SFMBT1: variants seen among roughly 807,000 people sequenced by gnomAD.
The protein encoded by SFMBT1 is scm-like with four MBT domains protein 1.
Under a neutral mutation model 108.7 loss-of-function variants are expected in SFMBT1, and 32 were observed. That is an observed-to-expected ratio of 0.29 (90% confidence interval 0.22 to 0.40). The LOEUF is 0.40. SFMBT1 is among the 10% of genes least tolerant of loss of function. The probability of loss-of-function intolerance (pLI) is 1.00; values close to 1 mark genes in which losing one functional copy is unlikely to be tolerated. For synonymous variants in SFMBT1, 348 were observed against 369.5 expected, an observed-to-expected ratio of 0.94 and a Z score of 0.67; for missense variants, 816 against 1,059.6, an observed-to-expected ratio of 0.77 and a Z score of 3.19.
intron 5 of SFMBT1, among the ~76,000 whole-genome samples, chr3:52,932,698 G>A (rs916868714): frequency 5.3e-5 from 8 of 152,094 alleles, no homozygotes; most frequent in Non-Finnish European, 8.8e-5. Flanking sequence ...ATCACTTGAG[G>A]TCAGGAGTTC....
In SFMBT1 at chr3:52,969,259, C is replaced by A; in HGVS notation, c.-130-1G>T. The A allele has an allele frequency of 1.3e-6, 2 of 1,510,004 alleles. No homozygotes were observed. Among genetic ancestry groups the A allele is most frequent in the Non-Finnish European group, 1.8e-6 (2 of 1,135,024 alleles). 93.5% of individuals were successfully genotyped at this position (1,510,004 alleles called of 1,614,324 possible). A position where few individuals can be genotyped will look rare whatever the true frequency, so the allele number is the denominator to read the frequency against. The stretch of plus-strand genomic sequence containing the variant: ...GTATCCACGGGTCCAAATGAAAGTG[C>A]TGAAAAATGAAAAAGAACACATTAA... On this transcript the variant is annotated splice_acceptor_variant, in intron 1 of 20. Coordinates refer to ENST00000394752, the MANE Select transcript of SFMBT1 (RefSeq NM_016329.4). LOFTEE classifies it low-confidence loss of function (5UTR_SPLICE).
At chr3:53,015,395 T>C (rs1405928067) in intron 1 of SFMBT1, among the ~76,000 whole-genome samples, 1 of 152,054 alleles carries the variant, frequency 6.6e-6, no homozygotes, top group East Asian at 1.9e-4. Flanking sequence ...AAGTTAAACA[T>C]AAGAGTTACC....
intron 1 of SFMBT1, among the ~76,000 whole-genome samples, chr3:53,011,102 A>G (rs1171231317): frequency 6.6e-6 from 1 of 152,220 alleles, no homozygotes; most frequent in Non-Finnish European, 1.5e-5. Context: ...GAAATTTCTG[A>G]AATGCAAGGC....
At chr3:52,906,302 T>G in intron 19 of SFMBT1, 61 bp from the exon 20 acceptor site, 1 of 1,610,032 alleles carries the variant, frequency 6.2e-7, no homozygotes, top group Non-Finnish European at 8.5e-7. Context: ...TCTAAAAAAG[T>G]CTCTCTACCT....
chr3:53,018,812 T>C (rs563552870), intron 1 of SFMBT1, among the ~76,000 whole-genome samples: 40 of 152,302 alleles, frequency 2.6e-4, no homozygotes, highest in South Asian at 2.1e-4. Flanking sequence ...AGGATTTTCT[T>C]CTCTCAGGTA....
Position 52,907,724 on chromosome 3 carries a change from T to C in SFMBT1, c.1916A>G (p.Tyr639Cys). The part of the protein sequence containing the change: ...VLTKTKYTHY[Y>C]GKKKNKRIGR... ...AATTCTTTTATTTTTCTTCTTTCCG[T>C]AATAGTGTGCTAAATGTGGATGACA... Residue 639 changes from tyrosine to cysteine, a missense_variant, in exon 18 of 21, where the codon TAC becomes TGC. Physicochemically the swap from Tyr to Cys is radical, Grantham distance 194. Around this residue, in one of 5 missense-constraint regions of SFMBT1, gnomAD observed 177 missense variants for 182.0 expected, o/e 0.97. Transcript: ENST00000394752. 1 of 1,607,058 alleles carries C rather than the reference T, an allele frequency of 6.2e-7. No individual in the cohort carries two copies. Among genetic ancestry groups the C allele is most frequent in the Admixed American group, 1.7e-5 (1 of 57,960 alleles).
intron 2 of SFMBT1, among the ~76,000 whole-genome samples, chr3:52,965,777 C>T (rs941111464): frequency 1.3e-5 from 2 of 151,852 alleles, no homozygotes; most frequent in Non-Finnish European, 1.5e-5. Context: ...GAGGCCGAGG[C>T]GGGCAGATCA....
chr3:52,961,777 G>A (rs1202047849), intron 2 of SFMBT1, among the ~76,000 whole-genome samples: 1 of 152,170 alleles, frequency 6.6e-6, no homozygotes, highest in Non-Finnish European at 1.5e-5. Context: ...GAAAGTACAG[G>A]CCAGCAGAAA....
intron 17 of SFMBT1, among the ~76,000 whole-genome samples, chr3:52,909,201 A>G (rs1031595668): frequency 2.0e-5 from 3 of 152,242 alleles, no homozygotes; most frequent in African/African-American, 7.2e-5. Flanking sequence ...TTTCAACTAT[A>G]TTATTGTGAA....
intron 4 of SFMBT1, among the ~76,000 whole-genome samples, chr3:52,942,526 CTTTT>C (rs1353812968): frequency 2.4e-4 from 37 of 152,056 alleles, no homozygotes; most frequent in African/African-American, 8.5e-4. Context: ...TATTTTCTTT[CTTTT>C]GAGACAGAAT....
At chr3:52,934,047 A>G (rs1331987778) in intron 5 of SFMBT1, among the ~76,000 whole-genome samples, 1 of 152,190 alleles carries the variant, frequency 6.6e-6, no homozygotes, top group Non-Finnish European at 1.5e-5. Context: ...ATGGGCAAAG[A>G]AATGTCTCCA....
At chr3:52,980,228 T>C (rs926854999) in intron 1 of SFMBT1, among the ~76,000 whole-genome samples, 7 of 152,182 alleles carry the variant, frequency 4.6e-5, no homozygotes, top group Non-Finnish European at 7.4e-5. Flanking sequence ...ACATCATAAC[T>C]ACACAAAATT....
chr3:52,982,744 A>AAAAAAAAAAAAAAAAAAAT (rs1704758314), intron 1 of SFMBT1, among the ~76,000 whole-genome samples: 1 of 149,766 alleles, frequency 6.7e-6, no homozygotes, highest in Non-Finnish European at 1.5e-5. Context: ...AAAAAAAAAA[A>AAAAAAAAAAAAAAAAAAAT]AAAAAAAAAG....
At chr3:52,935,479 C>T (rs1193071121) in intron 4 of SFMBT1, among the ~76,000 whole-genome samples, 1 of 152,114 alleles carries the variant, frequency 6.6e-6, no homozygotes, top group African/African-American at 2.4e-5. Flanking sequence ...TATTTACTAT[C>T]TTGCCCTTTA....
At chr3:52,983,932 G>A (rs1704814471) in intron 1 of SFMBT1, among the ~76,000 whole-genome samples, 2 of 152,210 alleles carry the variant, frequency 1.3e-5, no homozygotes, top group African/African-American at 4.8e-5. Flanking sequence ...CTGCAGCTAT[G>A]TGAGAAGAAA....
chr3:52,931,130 T>C, intron 6 of SFMBT1, 95 bp from the exon 7 acceptor site: 3 of 1,136,760 alleles, frequency 2.6e-6, no homozygotes, highest in Non-Finnish European at 3.9e-6. Context: ...CAAGTCACTT[T>C]CCACTGGAAC....
At chr3:53,013,071 G>A (rs1164612151) in intron 1 of SFMBT1, among the ~76,000 whole-genome samples, 1 of 151,570 alleles carries the variant, frequency 6.6e-6, no homozygotes, top group African/African-American at 2.4e-5. Flanking sequence ...GCATCTAAAA[G>A]ACCAATCACA....
intron 16 of SFMBT1, 75 bp from the exon 17 acceptor site, chr3:52,911,253 C>T (rs1406810739): frequency 3.0e-5 from 43 of 1,424,480 alleles, no homozygotes; most frequent in Admixed American, 7.0e-5. Flanking sequence ...CATATTAATA[C>T]ACCTAAAAAA....
At chr3:52,915,202 T>A (rs949992317) in intron 14 of SFMBT1, among the ~76,000 whole-genome samples, 6 of 152,222 alleles carry the variant, frequency 3.9e-5, no homozygotes, top group Non-Finnish European at 5.9e-5. Context: ...ATGAAACTCC[T>A]GAATGCATAT....
Sources: allele counts gnomAD v4.1 joint callset (sites outside exome capture counted in the v4.1 genomes callset), GRCh38; gene constraint gnomAD v4.1.1; regional missense constraint gnomAD v4.1.1; transcripts MANE v1.5; gene names NCBI Gene and HGNC (gene_info 2026-07-23, HGNC 2026-07-21).